ACE: variants seen among roughly 807,000 people sequenced by gnomAD.
ACE encodes the protein angiotensin-converting enzyme.
Under a neutral mutation model 162.3 loss-of-function variants are expected in ACE, and 122 were observed. That is an observed-to-expected ratio of 0.75 (90% CI 0.65 to 0.87). The LOEUF (loss-of-function observed/expected upper bound fraction) is 0.87. ACE is among the 40% of genes least tolerant of loss of function. The pLI is 0.00. For synonymous variants in ACE, 796 were observed against 720.6 expected (o/e 1.10, Z -1.68); for missense variants, 1,799 against 1,735.1 (o/e 1.04, Z -0.65).
chr17:63,494,021 G>C lies in ACE; in HGVS notation c.3236G>C (p.Gly1079Ala). 6.2e-7 allele frequency: 1 copy of C among 1,614,130 alleles called. No homozygotes were observed. The highest frequency in any genetic ancestry group is 8.5e-7 in the Non-Finnish European group (1 of 1,180,026). Residue 1079 changes from glycine to alanine, a missense_variant, in exon 21 of 25, where the codon GGA becomes GCA. By Grantham distance (60) the Gly-to-Ala change is moderately conservative. Transcript: ENST00000290866. ...CAGTGGCGCTGGAGGGTATTTGATG[G>C]AAGCATCACCAAGGAGAACTATAAC... ...VDQWRWRVFD[G>A]SITKENYNQE...
rs375034664 is a variant in ACE at position 63,486,727 on chromosome 17, G to A, written c.2217+12G>A. ...AGGAGCTGGAGGAGGTGTGTGGCTCGCAAGGTACAGGGAGAGGGGAATCCT... is the reference window on the plus strand; with the variant it reads ...AGGAGCTGGAGGAGGTGTGTGGCTCACAAGGTACAGGGAGAGGGGAATCCT... On this transcript the variant is annotated intron_variant, in intron 14 of 24. Coordinates refer to ENST00000290866, the MANE Select transcript of ACE (RefSeq NM_000789.4). The A allele has an allele frequency of 1.4e-5, 22 of 1,614,106 alleles. No individual in the cohort carries two copies. In the African/African-American group the frequency reaches 2.0e-4, roughly 15 times the overall value.
At position 63,477,178 on chromosome 17, in the gene ACE, G is replaced by T; in HGVS notation, c.84G>T (p.Leu28=). ...LLLLLPPQPA[L]ALDPGLQPGN... ...TGCTGCTGCCGCCGCAGCCCGCCCTGGCGTTGGACCCCGGGCTGCAGCCCG... is the reference window on the plus strand; with the variant it reads ...TGCTGCTGCCGCCGCAGCCCGCCCTTGCGTTGGACCCCGGGCTGCAGCCCG... The change falls in exon 1 of 25, where the codon CTG becomes CTT. Residue 28 remains leucine (L), a synonymous_variant. Coordinates refer to ENST00000290866, the MANE Select transcript of ACE (RefSeq NM_000789.4). 2.0e-6 allele frequency: 3 copies of T among 1,467,206 alleles called. No homozygotes were observed. Among genetic ancestry groups the T allele is most frequent in the Non-Finnish European group, 1.8e-6 (2 of 1,112,570 alleles). The allele number at this position is 1,467,206 out of a possible 1,614,324, so 90.9% of individuals were successfully genotyped here.
intron 8 of ACE, 148 bp from the exon 9 acceptor site, chr17:63,482,881 C>T (rs2049734600): frequency 1.8e-6 from 2 of 1,093,028 alleles, no homozygotes; most frequent in East Asian, 2.4e-5. Flanking sequence ...GGGTCCTCTT[C>T]CAAGCAGGGC....
At chr17:63,487,647 C>T (rs1214288934) in intron 15 of ACE, among the ~76,000 whole-genome samples, 1 of 152,178 alleles carries the variant, frequency 6.6e-6, no homozygotes, top group Non-Finnish European at 1.5e-5. Flanking sequence ...TCCCCACTGG[C>T]TGGTCCTTCT....
intron 19 of ACE, among the ~76,000 whole-genome samples, chr17:63,492,144 G>A (rs1033282563): frequency 2.2e-4 from 34 of 152,314 alleles, no homozygotes; most frequent in Non-Finnish European, 1.9e-4. Context: ...GGTGGGTCAG[G>A]CATCTCTCCA....
Position 63,484,306 on chromosome 17 carries a change from C to T in ACE, c.1710-24C>T. Reference sequence around the variant, plus strand: ...GACTCCAGCCTGAGTCCCCTGTGCCCATGGTACCCACTCTGCCCACCAGGA... The same window carrying T: ...GACTCCAGCCTGAGTCCCCTGTGCCTATGGTACCCACTCTGCCCACCAGGA... On this transcript the variant is annotated intron_variant, in intron 11 of 24. Transcript: ENST00000290866. This position sits in a 1 kb window ranked among gnomAD's most constrained non-coding sequence, Gnocchi z 4.0. 6.2e-7 allele frequency: 1 copy of T among 1,603,472 alleles called. No individual in the cohort carries two copies. The highest frequency in any genetic ancestry group is 1.7e-5 in the Admixed American group (1 of 59,334).
Position 63,491,464 on chromosome 17 carries a change from C to G in ACE, c.2912+83C>G, listed in dbSNP as rs2030381451. ...CCAAGCAAAGGGTCCACTACTGTCC[C>G]CCAGCTGGAGCCAGCAGGGCAGGAT... On this transcript the variant is annotated intron_variant, in intron 19 of 24. Transcript: ENST00000290866. This position sits in a 1 kb window ranked among gnomAD's most constrained non-coding sequence, Gnocchi z 4.4. 3.8e-6 allele frequency: 6 copies of G among 1,572,778 alleles called. No homozygotes were observed. The highest frequency in any genetic ancestry group is 4.4e-6 in the Non-Finnish European group (5 of 1,148,368).
At chr17:63,482,744 C>G in intron 8 of ACE, 55 bp downstream of exon 8, 1 of 1,549,222 alleles carries the variant, frequency 6.5e-7, no homozygotes, top group East Asian at 2.3e-5. Context: ...CGCTCCACCC[C>G]ACAGCAGGAC....
rs149083340 is a variant in ACE, at chr17:63,477,627, G to A, written c.249+284G>A. The A allele has an allele frequency of 3.1e-4, 128 of 418,796 alleles. 1 individual carries two copies. The East Asian group carries it at 6.4e-3, about 21-fold the overall frequency. The allele number at this position is 418,796 out of a possible 1,614,324, so 25.9% of individuals were successfully genotyped here. ...TCTGGGGCCCCCGCGCTCTCGGGCAGCTGCCTTCTCACCTCCGGACGCTGT... is the reference window on the plus strand; with the variant it reads ...TCTGGGGCCCCCGCGCTCTCGGGCAACTGCCTTCTCACCTCCGGACGCTGT... On this transcript the variant is annotated intron_variant, in intron 1 of 24. Transcript: ENST00000290866.
rs765199112 is a variant in ACE, at chr17:63,493,914, C to T, written c.3137-8C>T. Reference sequence around the variant, plus strand: ...TGGGTCTGACAGCTGGGCTCCCTTCCCTTGCAGAGCATGACATCAACTTTC... The same window carrying T: ...TGGGTCTGACAGCTGGGCTCCCTTCTCTTGCAGAGCATGACATCAACTTTC... On this transcript the variant is annotated splice_polypyrimidine_tract_variant and splice_region_variant and intron_variant, in intron 20 of 24. Coordinates refer to ENST00000290866, the MANE Select transcript of ACE (RefSeq NM_000789.4). 2 of 1,614,174 alleles carry T rather than the reference C, an allele frequency of 1.2e-6. No individual in the cohort carries two copies. Among genetic ancestry groups the T allele is most frequent in the Non-Finnish European group, 8.5e-7 (1 of 1,180,030 alleles).
At position 63,491,086 on chromosome 17, in the gene ACE, G is replaced by C. The variant is rs368900581; in HGVS notation, c.2739+35G>C. 2 of 1,612,432 alleles carry C rather than the reference G, an allele frequency of 1.2e-6. No homozygotes were observed. Among genetic ancestry groups the C allele is most frequent in the South Asian group, 2.2e-5 (2 of 91,026 alleles). ...AGCCCAGGGGCAGGGAGGCCCCGCC[G>C]GGATGGGAGGGACCCTCTGATTCAG... On this transcript the variant is annotated intron_variant, in intron 18 of 24. Coordinates refer to ENST00000290866, the MANE Select transcript of ACE (RefSeq NM_000789.4). The surrounding 1 kb of genome is among the most constrained non-coding windows in gnomAD (Gnocchi z 4.4).
chr17:63,482,735 G>T (rs771742744), intron 8 of ACE, 46 bp downstream of exon 8: 2 of 1,576,176 alleles, frequency 1.3e-6, no homozygotes, highest in African/African-American at 2.7e-5. Flanking sequence ...CCTAAACCCC[G>T]CTCCACCCCA....
intron 9 of ACE, 115 bp downstream of exon 9, chr17:63,483,288 G>GC: frequency 6.4e-7 from 1 of 1,565,168 alleles, no homozygotes; most frequent in East Asian, 2.2e-5. Flanking sequence ...GATGTCCCCC[G>GC]CTGTGACCCA....
At chr17:63,486,388 G>C (rs773598214) in intron 13 of ACE, 169 bp from the exon 14 acceptor site, 4 of 729,844 alleles carry the variant, frequency 5.5e-6, no homozygotes, top group Non-Finnish European at 9.5e-6. Context: ...ACTGCATCCA[G>C]GACGTTATCA....
chr17:63,483,396 C>A, intron 9 of ACE, 64 bp from the exon 10 acceptor site: 1 of 1,528,616 alleles, frequency 6.5e-7, no homozygotes, highest in Non-Finnish European at 9.1e-7. Flanking sequence ...GCCTTTTCTA[C>A]AAAAGTTAAA....
At chr17:63,488,580 C>T (rs746389272) in intron 15 of ACE, 68 bp from the exon 16 acceptor site, 2 of 1,533,706 alleles carry the variant, frequency 1.3e-6, no homozygotes, top group South Asian at 1.1e-5. Flanking sequence ...CTCTGAAATT[C>T]TCTGAGCTCC....
intron 12 of ACE, 136 bp from the exon 13 acceptor site, chr17:63,485,100 G>A: frequency 6.3e-7 from 1 of 1,592,296 alleles, no homozygotes; most frequent in Non-Finnish European, 8.5e-7. Flanking sequence ...AGGGTGCCAG[G>A]GGTGGGAGAG....
At chr17:63,489,460 G>C (rs1185668397) in intron 17 of ACE, among the ~76,000 whole-genome samples, 3 of 152,216 alleles carry the variant, frequency 2.0e-5, no homozygotes, top group African/African-American at 7.2e-5. Context: ...GTGGGAGCTG[G>C]GGAGGCTTTG....
intron 9 of ACE, 81 bp from the exon 10 acceptor site, chr17:63,483,379 T>G (rs931609652): frequency 8.1e-6 from 12 of 1,480,584 alleles, no homozygotes; most frequent in African/African-American, 1.4e-5. Flanking sequence ...GGTTGCCGGG[T>G]GGAAATGCCT....
Sources: gnomAD v4.1 joint callset for allele counts (sites outside exome capture counted in the v4.1 genomes callset) on GRCh38, gnomAD v4.1.1 for gene constraint, Gnocchi (gnomAD v3.1) non-coding constraint, MANE v1.5 for transcripts, NCBI Gene and HGNC (gene_info 2026-07-23, HGNC 2026-07-21) for gene names.